The following ADGRL3 variants were observed in gnomAD, a reference collection of about 807,000 sequenced individuals.
ADGRL3 encodes calcium-independent alpha-latrotoxin receptor 3.
Under a neutral mutation model 153.5 loss-of-function variants are expected in ADGRL3, and 62 were observed. The ratio of observed to expected loss-of-function variants is 0.40; its 90% CI spans 0.33 to 0.50. The LOEUF (loss-of-function observed/expected upper bound fraction) is 0.50, where lower values mean the gene tolerates loss of function less well. Among genes scored for constraint, ADGRL3 ranks in the 20% least tolerant of loss-of-function variants. ADGRL3 has a pLI of 0.47. For synonymous variants in ADGRL3, 710 were observed against 672.5 expected (o/e 1.06, Z -0.86); for missense variants, 1,641 against 1,859.4 (o/e 0.88, Z 2.16).
At chr4:61,872,049 TTTGA>T (rs1354074132) in intron 9 of ADGRL3, among the ~76,000 whole-genome samples, 1 of 152,238 alleles carries the variant, frequency 6.6e-6, no homozygotes, top group Non-Finnish European at 1.5e-5. Flanking sequence ...TTTTTGTTTG[TTTGA>T]TTGCTTGCTA....
chr4:61,775,679 C>G lies in ADGRL3; in HGVS notation c.1400-38130C>G, dbSNP rs184009351. The G allele has an allele frequency of 8.0e-6, 12 of 1,500,856 alleles. No homozygotes were observed. The Admixed American group carries it at 2.0e-4, about 25-fold the overall frequency. 93.0% of individuals were successfully genotyped at this position (1,500,856 alleles called of 1,614,324 possible). A position where few individuals can be genotyped will look rare whatever the true frequency, so the allele number is the denominator to read the frequency against. Reference sequence around the variant, plus strand: ...ACCAACTTGACATACATCACAGGCTCATCACAGTTGGATGCAAGCACACAA... The same window carrying G: ...ACCAACTTGACATACATCACAGGCTGATCACAGTTGGATGCAAGCACACAA... On this transcript the variant is annotated intron_variant, in intron 8 of 26. Coordinates refer to ENST00000683033, the MANE Select transcript of ADGRL3 (RefSeq NM_001387552.1).
chr4:61,749,375 A>T (rs2096720412), intron 8 of ADGRL3, among the ~76,000 whole-genome samples: 1 of 152,194 alleles, frequency 6.6e-6, no homozygotes, highest in African/African-American at 2.4e-5. Flanking sequence ...TACCCAAAGG[A>T]CTATAAATCA....
intron 13 of ADGRL3, among the ~76,000 whole-genome samples, chr4:61,933,394 A>G (rs1397154442): frequency 6.6e-6 from 1 of 152,130 alleles, no homozygotes; most frequent in African/African-American, 2.4e-5. Flanking sequence ...ATCCAGAAGT[A>G]CTTTTGTCTG....
At chr4:62,019,738 T>G (rs1581914464) in intron 21 of ADGRL3, among the ~76,000 whole-genome samples, 1 of 152,228 alleles carries the variant, frequency 6.6e-6, no homozygotes, top group Non-Finnish European at 1.5e-5. Flanking sequence ...AGTGTAATTT[T>G]TTTCAAAATC....
At chr4:62,016,648 CA>C (rs1192297294) in intron 21 of ADGRL3, among the ~76,000 whole-genome samples, 7 of 152,160 alleles carry the variant, frequency 4.6e-5, no homozygotes, top group African/African-American at 1.4e-4. Flanking sequence ...TCATCTCTTG[CA>C]AAACTGTTTT....
At chr4:61,845,365 T>C (rs2098103302) in intron 9 of ADGRL3, among the ~76,000 whole-genome samples, 1 of 151,998 alleles carries the variant, frequency 6.6e-6, no homozygotes, top group South Asian at 2.1e-4. Flanking sequence ...ATTTTTATTT[T>C]TTGAGACAGG....
intron 5 of ADGRL3, among the ~76,000 whole-genome samples, chr4:61,675,736 C>T (rs1439760051): frequency 6.0e-5 from 9 of 151,078 alleles, no homozygotes; most frequent in Admixed American, 2.7e-4. Context: ...AAAAGGCATG[C>T]GATGTGTAAT....
chr4:61,874,676 T>C (rs1001687481), intron 9 of ADGRL3, among the ~76,000 whole-genome samples: 3 of 150,034 alleles, frequency 2.0e-5, no homozygotes, highest in Non-Finnish European at 3.0e-5. Context: ...TAGTAAAATA[T>C]ACATACCATT....
chr4:61,880,714 G>A (rs1255901027), intron 9 of ADGRL3, among the ~76,000 whole-genome samples: 5 of 152,106 alleles, frequency 3.3e-5, no homozygotes, highest in Admixed American at 6.5e-5. Context: ...TACTCTGTAC[G>A]CTGATTATTA....
chr4:61,863,484 G>A (rs545273291), intron 9 of ADGRL3, among the ~76,000 whole-genome samples: 99 of 151,756 alleles, frequency 6.5e-4, no homozygotes, highest in African/African-American at 2.2e-3. Flanking sequence ...TGATCCGCCC[G>A]CCTCGGCCTC....
chr4:61,772,575 G>A (rs1580751166), intron 8 of ADGRL3, among the ~76,000 whole-genome samples: 1 of 152,176 alleles, frequency 6.6e-6, no homozygotes, highest in Non-Finnish European at 1.5e-5. Flanking sequence ...GAGATTTGAT[G>A]AAGTGTGCAG....
At chr4:61,660,154 G>A (rs2094553618) in intron 5 of ADGRL3, among the ~76,000 whole-genome samples, 1 of 152,050 alleles carries the variant, frequency 6.6e-6, no homozygotes, top group Admixed American at 6.6e-5. Flanking sequence ...GCTTTTTAAC[G>A]TCTTTCTTCG....
At chr4:61,905,212 G>T (rs1212561251) in intron 11 of ADGRL3, among the ~76,000 whole-genome samples, 1 of 152,096 alleles carries the variant, frequency 6.6e-6, no homozygotes, top group African/African-American at 2.4e-5. Context: ...AGTATGAGTT[G>T]TATCAGATAT....
chr4:61,515,968 T>C (rs1456924606), intron 3 of ADGRL3, among the ~76,000 whole-genome samples: 3 of 152,176 alleles, frequency 2.0e-5, no homozygotes, highest in Non-Finnish European at 4.4e-5. Context: ...CTTTTTCATT[T>C]ACACAGGCTA....
At chr4:61,479,976 C>T (rs986006770) in intron 2 of ADGRL3, among the ~76,000 whole-genome samples, 12 of 152,002 alleles carry the variant, frequency 7.9e-5, no homozygotes. Context: ...CACAATCAAG[C>T]TAGTTAACAT....
At chr4:61,459,912 G>T (rs1311414520) in intron 2 of ADGRL3, among the ~76,000 whole-genome samples, 2 of 151,980 alleles carry the variant, frequency 1.3e-5, no homozygotes, top group African/African-American at 4.8e-5. Context: ...CAGATCTGTT[G>T]CCCATGTTTT....
intron 1 of ADGRL3, among the ~76,000 whole-genome samples, chr4:61,265,745 C>T (rs916774245): frequency 6.6e-6 from 1 of 151,754 alleles, no homozygotes; most frequent in Non-Finnish European, 1.5e-5. Context: ...TGTAGAGGTT[C>T]GTCATTTCCA....
chr4:61,460,098 G>A (rs2097792816), intron 2 of ADGRL3, among the ~76,000 whole-genome samples: 1 of 151,856 alleles, frequency 6.6e-6, no homozygotes. Context: ...TCTTTTGTCT[G>A]TTTTTGTTTT....
At chr4:61,900,312 C>A (rs1010927234) in intron 11 of ADGRL3, among the ~76,000 whole-genome samples, 1 of 151,034 alleles carries the variant, frequency 6.6e-6, no homozygotes, top group Admixed American at 6.6e-5. Flanking sequence ...TTTTTTTTTC[C>A]CCCAGCAATC....
Sources: allele counts gnomAD v4.1 joint callset (sites outside exome capture counted in the v4.1 genomes callset), GRCh38; gene constraint gnomAD v4.1.1; transcripts MANE v1.5; gene names NCBI Gene and HGNC (gene_info 2026-07-23, HGNC 2026-07-21).